LPIN1: variants seen among roughly 807,000 people sequenced by gnomAD.
LPIN1 encodes the protein lipin 1, also known as phosphatidate phosphatase LPIN1.
A neutral mutation model predicts 107.5 loss-of-function variants in LPIN1; 71 were observed. The observed-to-expected ratio is 0.66, with a 90% CI of 0.55 to 0.80. The LOEUF (loss-of-function observed/expected upper bound fraction) is 0.80. Ranked by LOEUF, LPIN1 falls within the 30% of genes least tolerant of loss-of-function variation. The probability of loss-of-function intolerance (pLI) is 0.00; values close to 1 mark genes in which losing one functional copy is unlikely to be tolerated. For missense variants in LPIN1, 1,043 were observed against 1,160.6 expected, an observed-to-expected ratio of 0.90 and a Z score of 1.47; for synonymous variants, 445 against 452.6, an observed-to-expected ratio of 0.98 and a Z score of 0.21.
chr2:11,725,930 T>A (rs1664596639), intron 1 of LPIN1, among the ~76,000 whole-genome samples: 1 of 152,214 alleles, frequency 6.6e-6, no homozygotes, highest in Non-Finnish European at 1.5e-5. Context: ...AGGACTCTCA[T>A]CTCAAAGGGC....
chr2:11,785,975 C>T (rs1674508140), intron 10 of LPIN1, among the ~76,000 whole-genome samples: 1 of 152,190 alleles, frequency 6.6e-6, no homozygotes, highest in African/African-American at 2.4e-5. Flanking sequence ...TACCCAGCCT[C>T]ACTGTGTTTC....
chr2:11,756,901 A>G (rs890488301), intron 1 of LPIN1, among the ~76,000 whole-genome samples: 1 of 152,228 alleles, frequency 6.6e-6, no homozygotes, highest in African/African-American at 2.4e-5. Context: ...GAAAATTTGT[A>G]TTATTTCAGA....
intron 2 of LPIN1, among the ~76,000 whole-genome samples, chr2:11,715,492 A>G (rs763447422): frequency 2.0e-5 from 3 of 152,214 alleles, no homozygotes; most frequent in Admixed American, 6.5e-5. Context: ...TGGCTCTGCC[A>G]CTTACAGCAT....
chr2:11,742,094 C>T (rs905370717), upstream of LPIN1: 1 of 152,058 alleles, frequency 6.6e-6, no homozygotes, highest in Non-Finnish European at 1.5e-5. Flanking sequence ...CGTGGCTGAG[C>T]TGGACTTGAA....
chr2:11,700,603 G>A (rs1662821703), intron 1 of LPIN1, among the ~76,000 whole-genome samples: 1 of 152,162 alleles, frequency 6.6e-6, no homozygotes, highest in Admixed American at 6.5e-5. Context: ...TCACAGATAA[G>A]GAAGGGTGAG....
intron 1 of LPIN1, among the ~76,000 whole-genome samples, chr2:11,690,099 GTTA>G (rs1662196991): frequency 6.6e-6 from 1 of 152,102 alleles, no homozygotes; most frequent in Non-Finnish European, 1.5e-5. Flanking sequence ...AAAAATTTCA[GTTA>G]TTGTTTTCAG....
intron 13 of LPIN1, among the ~76,000 whole-genome samples, chr2:11,794,832 G>A (rs1449640221): frequency 1.3e-5 from 2 of 152,168 alleles, no homozygotes; most frequent in Non-Finnish European, 2.9e-5. Context: ...TCACAGATGA[G>A]GAAGCGAAGT....
chr2:11,752,067 T>C (rs1179108659), intron 1 of LPIN1, among the ~76,000 whole-genome samples: 2 of 152,214 alleles, frequency 1.3e-5, no homozygotes, highest in Non-Finnish European at 2.9e-5. Flanking sequence ...TATTTCTGAT[T>C]TTCCCTATTA....
At chr2:11,678,924 C>A (rs912201808) in intron 1 of LPIN1, among the ~76,000 whole-genome samples, 1 of 152,164 alleles carries the variant, frequency 6.6e-6, no homozygotes, top group Non-Finnish European at 1.5e-5. Context: ...TGAATGACAC[C>A]CACACTCAGA....
intron 17 of LPIN1, among the ~76,000 whole-genome samples, chr2:11,811,849 G>A (rs930111679): frequency 2.6e-5 from 4 of 152,130 alleles, no homozygotes; most frequent in African/African-American, 9.7e-5. Flanking sequence ...GCTGGGCGTG[G>A]TAGTGCATGC....
chr2:11,815,849 G>A (rs990728982), intron 18 of LPIN1, among the ~76,000 whole-genome samples: 6 of 152,046 alleles, frequency 3.9e-5, no homozygotes, highest in African/African-American at 1.5e-4. Flanking sequence ...GCCATATCAA[G>A]GTAGCTAAGC....
intron 1 of LPIN1, among the ~76,000 whole-genome samples, chr2:11,708,125 T>G (rs554216386): frequency 3.3e-5 from 5 of 152,176 alleles, no homozygotes; most frequent in African/African-American, 1.2e-4. Context: ...AGAAGGAAAC[T>G]AGGCCCTAAG....
intron 1 of LPIN1, among the ~76,000 whole-genome samples, chr2:11,701,373 G>A (rs1662865030): frequency 6.6e-6 from 1 of 152,144 alleles, no homozygotes; most frequent in South Asian, 2.1e-4. Flanking sequence ...CCTAGCACAG[G>A]TCATGACACC....
At chr2:11,686,289 G>A (rs189441038) in intron 1 of LPIN1, among the ~76,000 whole-genome samples, 26,709 of 152,070 alleles carry the variant, frequency 0.18, 3,009 homozygotes, top group South Asian at 0.26. Context: ...ATCACCCACA[G>A]CCCCTGGGCT....
chr2:11,815,169 C>T lies in LPIN1; in HGVS notation c.2331C>T (p.Asn777=), dbSNP rs150857974. Residue 777 remains asparagine (N), a synonymous_variant, in exon 18 of 21, where the codon AAC becomes AAT. Coordinates refer to ENST00000674199, the MANE Select transcript of LPIN1 (RefSeq NM_001349206.2). The part of the protein sequence containing the change: ...DMTRGYLHWV[N]ERGTVLPQGP... ...CGCGGGGCTACCTGCACTGGGTCAA[C>T]GAGAGGGGCACGGTGCTGCCCCAGG... 120 of 1,614,090 alleles carry T rather than the reference C, an allele frequency of 7.4e-5. No homozygotes were observed. In the African/African-American group the frequency reaches 7.5e-4, roughly 10 times the overall value.
At chr2:11,703,738 C>T (rs1444035453) in intron 1 of LPIN1, among the ~76,000 whole-genome samples, 1 of 152,172 alleles carries the variant, frequency 6.6e-6, no homozygotes, top group Non-Finnish European at 1.5e-5. Context: ...ACTAGACCTG[C>T]CTCCCTTCCT....
chr2:11,764,883 A>G (rs1193093960), intron 1 of LPIN1, among the ~76,000 whole-genome samples: 1 of 152,210 alleles, frequency 6.6e-6, no homozygotes, highest in Non-Finnish European at 1.5e-5. Flanking sequence ...AGGACAATAT[A>G]AAAAAGCTTC....
At chr2:11,824,363 G>A (rs1682073184) in intron 20 of LPIN1, among the ~76,000 whole-genome samples, 3 of 151,294 alleles carry the variant, frequency 2.0e-5, no homozygotes, top group South Asian at 4.2e-4. Flanking sequence ...CTTTTGCTTG[G>A]CTGTATCTCC....
chr2:11,813,117 G>T (rs1432928328), intron 17 of LPIN1, among the ~76,000 whole-genome samples: 1 of 152,164 alleles, frequency 6.6e-6, no homozygotes. Context: ...GGTTTTGGAG[G>T]TACCCATTTT....
Sources: allele counts gnomAD v4.1 joint callset (sites outside exome capture counted in the v4.1 genomes callset), GRCh38; gene constraint gnomAD v4.1.1; transcripts MANE v1.5; gene names NCBI Gene and HGNC (gene_info 2026-07-23, HGNC 2026-07-21).